Variants in CDH7 observed in about 807,000 individuals in gnomAD.
CDH7 encodes cadherin 7, also known as cadherin-7.
In CDH7, 25 loss-of-function variants were observed where a neutral mutation model predicts 71.8. That is an observed-to-expected ratio of 0.35 (90% CI 0.25 to 0.49). The LOEUF is 0.49. CDH7 is among the 20% of genes least tolerant of loss of function. The pLI, the probability that CDH7 is intolerant of heterozygous loss-of-function variation, is 0.99. For missense variants in CDH7, 862 were observed against 974.6 expected (o/e 0.88, Z 1.54); for synonymous variants, 381 against 363.8 (o/e 1.05, Z -0.54).
chr18:65,777,551 G>C (rs1397644738), intron 2 of CDH7, among the ~76,000 whole-genome samples: 4 of 151,876 alleles, frequency 2.6e-5, no homozygotes, highest in African/African-American at 9.7e-5. Flanking sequence ...TGGTTAAGTG[G>C]AAAGCATACT....
chr18:65,858,644 A>G (rs1286970486), intron 8 of CDH7, among the ~76,000 whole-genome samples: 1 of 152,062 alleles, frequency 6.6e-6, no homozygotes, highest in East Asian at 1.9e-4. Context: ...ACACACACAT[A>G]TAATCATGTA....
rs79325541 is a variant in CDH7, at chr18:65,871,579, A to C, written c.1864+8662A>C. ...GTGATGGAGAGTTGAAGCAAAGAGGAAATGAAGAAGGTGGAGTCACAGATG... is the reference window on the plus strand; with the variant it reads ...GTGATGGAGAGTTGAAGCAAAGAGGCAATGAAGAAGGTGGAGTCACAGATG... On this transcript the variant is annotated intron_variant, in intron 11 of 11. Coordinates refer to ENST00000397968, the MANE Select transcript of CDH7 (RefSeq NM_004361.5). Among the ~76,000 whole-genome samples, 409 of 152,236 alleles carry C rather than the reference A, an allele frequency of 2.7e-3. 3 individuals carry two copies. Among genetic ancestry groups the C allele is most frequent in the African/African-American group, 9.1e-3 (378 of 41,546 alleles).
intron 2 of CDH7, among the ~76,000 whole-genome samples, chr18:65,802,447 T>G (rs1310413919): frequency 6.6e-6 from 1 of 152,152 alleles, no homozygotes; most frequent in East Asian, 1.9e-4. Context: ...AACCAATACC[T>G]CACTTTGAGT....
intron 6 of CDH7, among the ~76,000 whole-genome samples, chr18:65,838,564 A>G (rs1417639844): frequency 6.6e-6 from 1 of 152,218 alleles, no homozygotes; most frequent in Non-Finnish European, 1.5e-5. Flanking sequence ...AGAAATTTAG[A>G]AGAATTTAAC....
At chr18:65,784,050 C>G (rs911741382) in intron 2 of CDH7, among the ~76,000 whole-genome samples, 32 of 150,662 alleles carry the variant, frequency 2.1e-4, no homozygotes, top group Admixed American at 1.1e-3. Context: ...CTTCCTGGCT[C>G]TAGGGATGCT....
At chr18:65,840,559 T>C (rs923700052) in intron 6 of CDH7, among the ~76,000 whole-genome samples, 14 of 152,286 alleles carry the variant, frequency 9.2e-5, no homozygotes, top group African/African-American at 3.4e-4. Context: ...AATTGAATCA[T>C]GGAGGTGGTT....
In CDH7 at chr18:65,873,259, C is replaced by T. The variant is rs374005039; in HGVS notation, c.1865-7142C>T. Among the ~76,000 whole-genome samples, 441 of 152,210 alleles carry T rather than the reference C, an allele frequency of 2.9e-3. 3 individuals carry two copies. The highest frequency in any genetic ancestry group is 9.8e-3 in the African/African-American group (408 of 41,536). ...TAATCATTAAACTGATTATAGCTGT[C>T]CTATTGTTCAACATGTCATTTGACA... On this transcript the variant is annotated intron_variant, in intron 11 of 11. Coordinates refer to ENST00000397968, the MANE Select transcript of CDH7 (RefSeq NM_004361.5).
chr18:65,755,969 A>G (rs1916016375), intron 1 of CDH7, among the ~76,000 whole-genome samples: 1 of 152,150 alleles, frequency 6.6e-6, no homozygotes, highest in Non-Finnish European at 1.5e-5. Flanking sequence ...AGACTATACA[A>G]AACAAACAAA....
rs1435391838 is a variant in CDH7, at chr18:65,886,952, A to C, written c.*6058A>C. 1 of 152,144 alleles carries C rather than the reference A, an allele frequency of 6.6e-6. No individual in the cohort carries two copies. The highest frequency in any genetic ancestry group is 1.5e-5 in the Non-Finnish European group (1 of 68,012). 9.4% of individuals were successfully genotyped at this position (152,144 alleles called of 1,614,324 possible). ...TGAATGTTAATAAGCTCTCTTCTCA[A>C]CTTTAGCTCTTAGTTATCTGGTTAT... On this transcript the variant is annotated 3_prime_UTR_variant, in exon 12 of 12. Coordinates refer to ENST00000397968, the MANE Select transcript of CDH7 (RefSeq NM_004361.5).
At chr18:65,845,643 A>T (rs551899028) in intron 7 of CDH7, among the ~76,000 whole-genome samples, 1 of 152,232 alleles carries the variant, frequency 6.6e-6, no homozygotes, top group Admixed American at 6.6e-5. Flanking sequence ...GCTACTTAGG[A>T]CAATTTGGTT....
chr18:65,863,975 T>G (rs1216413436), intron 11 of CDH7: 1 of 152,162 alleles, frequency 6.6e-6, no homozygotes, highest in African/African-American at 2.4e-5. Context: ...TTCAATAAAT[T>G]TTAAGTGTTA....
chr18:65,861,292 T>C (rs1470634665), intron 10 of CDH7, among the ~76,000 whole-genome samples: 1 of 151,656 alleles, frequency 6.6e-6, no homozygotes, highest in Non-Finnish European at 1.5e-5. Context: ...TTCTCACTTT[T>C]TGGGCATTTC....
chr18:65,842,497 T>TTA (rs920961879), intron 6 of CDH7, among the ~76,000 whole-genome samples: 1 of 151,766 alleles, frequency 6.6e-6, no homozygotes, highest in East Asian at 1.9e-4. Context: ...ATACATATAT[T>TTA]TATATATATA....
At chr18:65,853,935 A>G (rs1270119944) in intron 7 of CDH7, among the ~76,000 whole-genome samples, 3 of 103,650 alleles carry the variant, frequency 2.9e-5, no homozygotes, top group Non-Finnish European at 6.2e-5. Context: ...ATATATATAT[A>G]TATATATATA....
chr18:65,783,191 G>A (rs559372528), intron 2 of CDH7, among the ~76,000 whole-genome samples: 2 of 152,164 alleles, frequency 1.3e-5, no homozygotes, highest in Admixed American at 6.5e-5. Flanking sequence ...TCAGGAAAGA[G>A]TAAGCATTTG....
intron 7 of CDH7, among the ~76,000 whole-genome samples, chr18:65,855,794 A>G (rs576496331): frequency 1.3e-5 from 2 of 152,298 alleles, no homozygotes; most frequent in African/African-American, 2.4e-5. Context: ...CAGCAAGTAA[A>G]GAAAACTTTG....
Position 65,829,810 on chromosome 18 carries a change from G to A in CDH7, c.981+4979G>A, listed in dbSNP as rs534349556. ...TGTGTGTGTGTGTGTGTGTGTGTGT[G>A]TGTGTGTATTCAATCATGGGAACTG... On this transcript the variant is annotated intron_variant, in intron 6 of 11. Coordinates refer to ENST00000397968, the MANE Select transcript of CDH7 (RefSeq NM_004361.5). Among the ~76,000 whole-genome samples the A allele has an allele frequency of 5.9e-3, 891 of 150,574 alleles. 9 individuals are homozygous for A. Among genetic ancestry groups the A allele is most frequent in the Non-Finnish European group, 9.7e-3 (650 of 67,322 alleles).
At chr18:65,750,944 G>A (rs1290799901), upstream of CDH7, 1 of 152,276 alleles carries the variant, frequency 6.6e-6, no homozygotes, top group African/African-American at 2.4e-5. Flanking sequence ...GCGCACCGCG[G>A]AGTGGGCTGT....
chr18:65,760,677 T>C (rs576899508), intron 1 of CDH7, among the ~76,000 whole-genome samples: 174 of 152,260 alleles, frequency 1.1e-3, no homozygotes, highest in African/African-American at 3.8e-3. Context: ...CCTGACCAGA[T>C]CTCTAAACCA....
Sources: gnomAD v4.1 joint callset for allele counts (sites outside exome capture counted in the v4.1 genomes callset) on GRCh38, gnomAD v4.1.1 for gene constraint, MANE v1.5 for transcripts, NCBI Gene and HGNC (gene_info 2026-07-23, HGNC 2026-07-21) for gene names.